XIAP: variants seen among roughly 807,000 people sequenced by gnomAD.
XIAP encodes the protein E3 ubiquitin-protein ligase XIAP.
In XIAP, 3 loss-of-function variants were observed where a neutral mutation model predicts 33.1. That is an observed-to-expected ratio of 0.09 (90% confidence interval 0.04 to 0.23). XIAP has a LOEUF of 0.23. Ranked by LOEUF, XIAP falls within the 10% of genes least tolerant of loss-of-function variation. The pLI is 1.00. For missense variants in XIAP, 264 were observed against 363.0 expected, an observed-to-expected ratio of 0.73 and a Z score of 2.22; for synonymous variants, 98 against 121.3, an observed-to-expected ratio of 0.81 and a Z score of 1.26.
intron 5 of XIAP, among the ~76,000 whole-genome samples, chrX:123,897,900 G>A (rs2053475471): frequency 8.9e-6 from 1 of 112,054 alleles, no homozygotes; most frequent in East Asian, 2.8e-4. Context: ...GGAATGGAAG[G>A]GAGCCACCAA....
At position 123,863,372 on chromosome X, in the gene XIAP, G is replaced by A. The variant is rs2053098762; in HGVS notation, c.-33+3079G>A. On this transcript the variant is annotated intron_variant, in intron 1 of 6. Coordinates refer to ENST00000371199, the MANE Select transcript of XIAP (RefSeq NM_001167.4). ...AGGCTGAGGCAGGAGAACCACTTGA[G>A]CCCATGAGGCGGAGGTTGCCGTGAG... 2.7e-5 allele frequency among the ~76,000 whole-genome samples: 3 copies of A among 109,345 alleles called. No individual in the cohort carries two copies. The Admixed American group carries it at 3.0e-4, about 11-fold the overall frequency. 95.0% of individuals were successfully genotyped at this position (109,345 alleles called of 115,157 possible).
chrX:123,866,625 T>C (rs1375189300), intron 1 of XIAP, among the ~76,000 whole-genome samples: 18 of 103,235 alleles, frequency 1.7e-4, no homozygotes, highest in Non-Finnish European at 3.5e-4. Context: ...TAATACAATA[T>C]ATGTAAAATA....
At position 123,911,464 on chromosome X, in the gene XIAP, C is replaced by G; in HGVS notation, c.*4283C>G. 1 of 258,022 alleles carries G rather than the reference C, an allele frequency of 3.9e-6. No homozygotes were observed. The highest frequency in any genetic ancestry group is 7.0e-6 in the Non-Finnish European group (1 of 143,679). 21.3% of individuals were successfully genotyped at this position (258,022 alleles called of 1,213,427 possible). A position where few individuals can be genotyped will look rare whatever the true frequency, so the allele number is the denominator to read the frequency against. ...TGCACTCCAGCCTGGGCAACAAGAG[C>G]AAAACTCTGTCTCAAAAAAAAAAAA... On this transcript the variant is annotated 3_prime_UTR_variant, in exon 7 of 7. Transcript: ENST00000371199.
chrX:123,874,969 C>T (rs1199039094), intron 1 of XIAP, among the ~76,000 whole-genome samples: 3 of 103,414 alleles, frequency 2.9e-5, no homozygotes, highest in African/African-American at 1.1e-4. Context: ...CACCTTAGCC[C>T]CCAAAGTGCT....
At chrX:123,890,112 G>T (rs2053392155) in intron 3 of XIAP, among the ~76,000 whole-genome samples, 1 of 88,013 alleles carries the variant, frequency 1.1e-5, no homozygotes, top group African/African-American at 4.3e-5. Flanking sequence ...CGCCTCCCGG[G>T]TTCACGCCAT....
intron 3 of XIAP, among the ~76,000 whole-genome samples, chrX:123,890,029 T>C (rs1173255287): frequency 2.4e-5 from 1 of 41,090 alleles, no homozygotes; most frequent in East Asian, 6.4e-4. Flanking sequence ...TTTTTTTTTT[T>C]TTTTTGAGAC....
intron 1 of XIAP, among the ~76,000 whole-genome samples, chrX:123,883,075 G>A (rs1033289627): frequency 9.7e-6 from 1 of 103,548 alleles, no homozygotes; most frequent in African/African-American, 3.6e-5. Flanking sequence ...GATTACAGGC[G>A]TGAGCCATCA....
At position 123,908,061 on chromosome X, in the gene XIAP, C is replaced by T; in HGVS notation, c.*880C>T. 2.7e-6 allele frequency: 1 copy of T among 367,980 alleles called. No individual in the cohort carries two copies. The highest frequency in any genetic ancestry group is 5.2e-6 in the Non-Finnish European group (1 of 193,709). The allele number at this position is 367,980 out of a possible 1,213,427, so 30.3% of individuals were successfully genotyped here. A position where few individuals can be genotyped will look rare whatever the true frequency, so the allele number is the denominator to read the frequency against. On this transcript the variant is annotated 3_prime_UTR_variant, in exon 7 of 7. Transcript: ENST00000371199. ...TCGAATTTTTTATAAGTATGTATTA[C>T]TTTTGTAATCAGAATTTTTAGAAAG...
chrX:123,892,147 C>T (rs962918789), intron 4 of XIAP, among the ~76,000 whole-genome samples: 2 of 111,385 alleles, frequency 1.8e-5, no homozygotes, highest in Non-Finnish European at 3.8e-5. Flanking sequence ...AGATGGATCA[C>T]CCAAGGTCAG....
intron 1 of XIAP, among the ~76,000 whole-genome samples, chrX:123,883,766 G>T (rs1224137567): frequency 9.0e-6 from 1 of 111,186 alleles, no homozygotes; most frequent in African/African-American, 3.3e-5. Context: ...AAAGTGCTGG[G>T]ATTACAGGTG....
chrX:123,898,386 G>A (rs963154506), intron 5 of XIAP, among the ~76,000 whole-genome samples: 2 of 110,738 alleles, frequency 1.8e-5, no homozygotes, highest in Admixed American at 9.6e-5. Flanking sequence ...TTTCTGAGAC[G>A]GAGTCTCGCT....
chrX:123,875,513 G>A (rs985292391), intron 1 of XIAP, among the ~76,000 whole-genome samples: 1 of 111,519 alleles, frequency 9.0e-6, no homozygotes, highest in Non-Finnish European at 1.9e-5. Flanking sequence ...CTGCGTTTTC[G>A]TTGTTGGTAG....
At chrX:123,879,242 C>T (rs1226104419) in intron 1 of XIAP, 3 of 108,925 alleles carry the variant, frequency 2.8e-5, no homozygotes, top group Non-Finnish European at 3.8e-5. Context: ...ATTGAAGACA[C>T]GGGTCTGAAG....
chrX:123,891,100 A>G (rs1186586113), intron 3 of XIAP, 138 bp from the exon 4 acceptor site: 2 of 352,526 alleles, frequency 5.7e-6, no homozygotes, highest in East Asian at 9.5e-5. Flanking sequence ...GAATTGGGTA[A>G]CATTTTACTT....
At chrX:123,894,960 A>AAGTAAGTAAG (rs1569478752) in intron 5 of XIAP, among the ~76,000 whole-genome samples, 2 of 68,396 alleles carry the variant, frequency 2.9e-5, no homozygotes, top group Admixed American at 1.8e-4. Flanking sequence ...AAATAAGTAA[A>AAGTAAGTAAG]TAAATAAATA....
At chrX:123,877,647 C>A (rs951178020) in intron 1 of XIAP, among the ~76,000 whole-genome samples, 1 of 111,498 alleles carries the variant, frequency 9.0e-6, no homozygotes, top group Non-Finnish European at 1.9e-5. Context: ...CCTCCAGTAC[C>A]AAGAGATAGA....
rs369835712 is a variant in XIAP at position 123,892,745 on chromosome X, G to A, written c.1071G>A (p.Glu357=). ...TTCTGTTACAGGTAAGAACTACTGAGAAAACACCATCACTAACTAGAAGAA... is the reference window on the plus strand; with the variant it reads ...TTCTGTTACAGGTAAGAACTACTGAAAAAACACCATCACTAACTAGAAGAA... The part of the protein sequence containing the change: ...SLEECLVRTT[E]KTPSLTRRID... Residue 357 remains glutamate (E), a synonymous_variant, in exon 5 of 7, where the codon GAG becomes GAA. Coordinates refer to ENST00000371199, the MANE Select transcript of XIAP (RefSeq NM_001167.4). 4.2e-6 allele frequency: 5 copies of A among 1,203,364 alleles called. No individual in the cohort carries two copies. The highest frequency in any genetic ancestry group is 5.6e-6 in the Non-Finnish European group (5 of 888,646).
intron 1 of XIAP, among the ~76,000 whole-genome samples, chrX:123,870,697 AG>A (rs1210706139): frequency 3.6e-5 from 4 of 111,552 alleles, no homozygotes; most frequent in Admixed American, 9.6e-5. Context: ...CTGAGGTGGT[AG>A]GATTGCTTGA....
chrX:123,890,569 G>A (rs1462323697), intron 3 of XIAP, among the ~76,000 whole-genome samples: 1 of 106,511 alleles, frequency 9.4e-6, no homozygotes, highest in African/African-American at 3.4e-5. Flanking sequence ...GGCAGAGGTT[G>A]TGGTGAGCTG....
Sources: gnomAD v4.1 joint callset for allele counts (sites outside exome capture counted in the v4.1 genomes callset) on GRCh38, gnomAD v4.1.1 for gene constraint, MANE v1.5 for transcripts, NCBI Gene and HGNC (gene_info 2026-07-23, HGNC 2026-07-21) for gene names.